UNC13C: variants seen among roughly 807,000 people sequenced by gnomAD.
UNC13C encodes the protein unc-13 homolog C, also known as protein unc-13 homolog C.
UNC13C carries 174 observed loss-of-function variants against 245.4 expected under a neutral mutation model. The observed-to-expected ratio is 0.71, with a 90% CI of 0.63 to 0.80. UNC13C has a LOEUF of 0.80. Among genes scored for constraint, UNC13C ranks in the 30% least tolerant of loss-of-function variants. UNC13C has a pLI of 0.00. For synonymous variants in UNC13C, 992 were observed against 895.1 expected, an observed-to-expected ratio of 1.11 and a Z score of -1.93; for missense variants, 2,829 against 2,602.9, an observed-to-expected ratio of 1.09 and a Z score of -1.89.
intron 19 of UNC13C, among the ~76,000 whole-genome samples, chr15:54,492,417 A>G (rs1893755897): frequency 6.6e-6 from 1 of 152,216 alleles, no homozygotes; most frequent in Non-Finnish European, 1.5e-5. Context: ...GATTTTAAAA[A>G]TAAAAACTAT....
intron 2 of UNC13C, among the ~76,000 whole-genome samples, chr15:54,031,251 C>T (rs1452589176): frequency 1.3e-5 from 2 of 152,046 alleles, no homozygotes; most frequent in South Asian, 2.1e-4. Context: ...AGAAGGGTGC[C>T]GTTTTTGGAT....
At chr15:54,301,365 C>T (rs1003665976) in intron 13 of UNC13C, among the ~76,000 whole-genome samples, 3 of 150,300 alleles carry the variant, frequency 2.0e-5, no homozygotes, top group Non-Finnish European at 4.4e-5. Context: ...GGTATACATG[C>T]GCCATGGTGG....
intron 8 of UNC13C, among the ~76,000 whole-genome samples, chr15:54,256,834 A>T (rs2036291243): frequency 6.6e-6 from 1 of 152,200 alleles, no homozygotes; most frequent in South Asian, 2.1e-4. Flanking sequence ...AGGAAAGGGA[A>T]TATTTGATAT....
At chr15:53,989,347 T>C (rs1034260809) in intron 1 of UNC13C, among the ~76,000 whole-genome samples, 1 of 150,652 alleles carries the variant, frequency 6.6e-6, no homozygotes, top group Non-Finnish European at 1.5e-5. Context: ...AAAAAAAATG[T>C]AGGCAATGTT....
At chr15:54,525,763 C>G in intron 25 of UNC13C, 126 bp downstream of exon 25, 1 of 764,912 alleles carries the variant, frequency 1.3e-6, no homozygotes, top group Middle Eastern at 2.7e-4. Flanking sequence ...ATCTAAATGT[C>G]ATTTTCTCTG....
At chr15:54,026,164 T>C (rs1896100243) in intron 2 of UNC13C, among the ~76,000 whole-genome samples, 1 of 152,228 alleles carries the variant, frequency 6.6e-6, no homozygotes, top group Non-Finnish European at 1.5e-5. Flanking sequence ...TTGCATTTTC[T>C]AGAAACAAAA....
the UNC13C span, among the ~76,000 whole-genome samples, chr15:53,891,791 C>A: frequency 1.3e-5 from 2 of 152,072 alleles, no homozygotes; most frequent in Non-Finnish European, 2.9e-5. Flanking sequence ...TACAGCACAC[C>A]GATGGGTCTT....
chr15:54,210,922 T>C (rs2034860509), intron 4 of UNC13C, among the ~76,000 whole-genome samples: 1 of 152,096 alleles, frequency 6.6e-6, no homozygotes, highest in African/African-American at 2.4e-5. Flanking sequence ...GGGGAGACAT[T>C]ATATTTATTA....
the UNC13C span, among the ~76,000 whole-genome samples, chr15:53,847,399 T>C: frequency 9.8e-4 from 149 of 151,800 alleles, no homozygotes; most frequent in Non-Finnish European, 2.0e-3. Flanking sequence ...TCTTGTTGCC[T>C]AGGCTGGAGT....
chr15:54,396,264 C>T (rs2040067586), intron 18 of UNC13C, among the ~76,000 whole-genome samples: 1 of 151,684 alleles, frequency 6.6e-6, no homozygotes. Context: ...CACTCCTCCA[C>T]CATCCCCAGG....
At chr15:54,376,712 A>G (rs74422563) in intron 17 of UNC13C, among the ~76,000 whole-genome samples, 3,458 of 152,316 alleles carry the variant, frequency 0.023, 47 homozygotes, top group Middle Eastern at 0.041. Context: ...AACATGTGCT[A>G]TAGTGAGCTG....
the UNC13C span, among the ~76,000 whole-genome samples, chr15:53,967,328 TTTG>T: frequency 0.35 from 49,499 of 139,468 alleles, 9,569 homozygotes; most frequent in Middle Eastern, 0.48. Context: ...CAATTTTTTT[TTTG>T]TTGTTTTGTT....
At chr15:54,020,376 G>C (rs539258379) in intron 2 of UNC13C, among the ~76,000 whole-genome samples, 1 of 149,420 alleles carries the variant, frequency 6.7e-6, no homozygotes, top group East Asian at 2.0e-4. Context: ...CTGGGTTCAA[G>C]CGATTCTCCT....
the UNC13C span, among the ~76,000 whole-genome samples, chr15:53,972,054 T>A: frequency 1.3e-5 from 2 of 152,216 alleles, no homozygotes; most frequent in African/African-American, 4.8e-5. Context: ...CCATGTGATA[T>A]ATTTTATTAA....
chr15:54,108,994 G>A (rs566197121), intron 2 of UNC13C, among the ~76,000 whole-genome samples: 9 of 152,228 alleles, frequency 5.9e-5, no homozygotes, highest in Non-Finnish European at 1.3e-4. Flanking sequence ...CTGGAACATA[G>A]GTGCAAACTT....
chr15:54,095,499 G>T (rs1271400740), intron 2 of UNC13C, among the ~76,000 whole-genome samples: 1 of 152,138 alleles, frequency 6.6e-6, no homozygotes, highest in Non-Finnish European at 1.5e-5. Flanking sequence ...GTCCCACTTT[G>T]CAGCATGAAA....
At chr15:54,349,644 A>T (rs1220751986) in intron 17 of UNC13C, among the ~76,000 whole-genome samples, 1 of 152,232 alleles carries the variant, frequency 6.6e-6, no homozygotes, top group Non-Finnish European at 1.5e-5. Context: ...TTATAAATTT[A>T]ATGGTGATAT....
the UNC13C span, among the ~76,000 whole-genome samples, chr15:53,864,140 A>G: frequency 5.3e-5 from 8 of 152,160 alleles, no homozygotes; most frequent in African/African-American, 1.9e-4. Flanking sequence ...CCAGCACTTG[A>G]ATCCCTGTCT....
chr15:54,081,157 T>C (rs1898917391), intron 2 of UNC13C, among the ~76,000 whole-genome samples: 1 of 152,128 alleles, frequency 6.6e-6, no homozygotes, highest in South Asian at 2.1e-4. Flanking sequence ...TTTTGTTTTG[T>C]GGTCTGATAA....
Sources: allele counts gnomAD v4.1 joint callset (sites outside exome capture counted in the v4.1 genomes callset), GRCh38; gene constraint gnomAD v4.1.1; transcripts MANE v1.5; gene names NCBI Gene and HGNC (gene_info 2026-07-23, HGNC 2026-07-21).